The following TCF7L2 variants were observed in gnomAD, a reference collection of about 807,000 sequenced individuals.
The protein encoded by TCF7L2 is transcription factor 7 like 2, also known as transcription factor 7-like 2.
A neutral mutation model predicts 77.9 loss-of-function variants in TCF7L2; 23 were observed. The ratio of observed to expected loss-of-function variants is 0.30; its 90% CI spans 0.21 to 0.42. The LOEUF (loss-of-function observed/expected upper bound fraction) is 0.42, where lower values mean the gene tolerates loss of function less well. Among genes scored for constraint, TCF7L2 ranks in the 10% least tolerant of loss-of-function variants. TCF7L2 has a pLI of 1.00. For synonymous variants in TCF7L2, 413 were observed against 340.2 expected (o/e 1.21, Z -2.36); for missense variants, 654 against 793.1 (o/e 0.82, Z 2.11).
At chr10:113,011,171 A>G (rs1335835104) in intron 4 of TCF7L2, among the ~76,000 whole-genome samples, 1 of 152,162 alleles carries the variant, frequency 6.6e-6, no homozygotes, top group East Asian at 1.9e-4. Flanking sequence ...GACTGGAACA[A>G]AATATGGTAC....
intron 4 of TCF7L2, among the ~76,000 whole-genome samples, chr10:113,035,550 C>T (rs1241598472): frequency 6.6e-6 from 1 of 152,224 alleles, no homozygotes; most frequent in African/African-American, 2.4e-5. Context: ...CTCCTGGGCT[C>T]TAGCAATCCT....
chr10:113,148,235 T>C (rs1271840004), intron 8 of TCF7L2, among the ~76,000 whole-genome samples: 1 of 152,092 alleles, frequency 6.6e-6, no homozygotes, highest in Admixed American at 6.6e-5. Context: ...CCCCTTTAGA[T>C]TGAGATGTTG....
intron 5 of TCF7L2, among the ~76,000 whole-genome samples, chr10:113,068,353 T>G (rs1177675497): frequency 6.6e-6 from 1 of 152,208 alleles, no homozygotes; most frequent in Non-Finnish European, 1.5e-5. Context: ...ACTTTGTTAG[T>G]GACATTTAGC....
chr10:113,001,162 T>C (rs1368848492), intron 4 of TCF7L2, among the ~76,000 whole-genome samples: 1 of 152,098 alleles, frequency 6.6e-6, no homozygotes, highest in Non-Finnish European at 1.5e-5. Flanking sequence ...TGACAGGCGG[T>C]TTGAGAACTC....
chr10:113,153,396 T>C (rs140686861), intron 11 of TCF7L2, among the ~76,000 whole-genome samples: 1 of 152,248 alleles, frequency 6.6e-6, no homozygotes, highest in Non-Finnish European at 1.5e-5. Flanking sequence ...CCAAAACTTG[T>C]CTTAAGGCCG....
At chr10:113,144,656 T>C (rs1267354564) in intron 7 of TCF7L2, among the ~76,000 whole-genome samples, 1 of 152,192 alleles carries the variant, frequency 6.6e-6, no homozygotes, top group African/African-American at 2.4e-5. Context: ...TCTTTGCACG[T>C]TGAATGTTTT....
At chr10:113,073,781 C>T (rs1193351637) in intron 5 of TCF7L2, among the ~76,000 whole-genome samples, 1 of 152,174 alleles carries the variant, frequency 6.6e-6, no homozygotes, top group African/African-American at 2.4e-5. Flanking sequence ...GCTTCCCAAC[C>T]TGCGGGCCTC....
intron 5 of TCF7L2, among the ~76,000 whole-genome samples, chr10:113,123,145 G>T (rs2065053605): frequency 6.6e-6 from 1 of 152,136 alleles, no homozygotes. Context: ...CAAGTTCACT[G>T]GTGTCTTAAT....
chr10:113,061,723 C>T (rs138261830), intron 5 of TCF7L2, among the ~76,000 whole-genome samples: 1 of 152,144 alleles, frequency 6.6e-6, no homozygotes, highest in Non-Finnish European at 1.5e-5. Flanking sequence ...GGTTATTGAT[C>T]CTCCCCTGGA....
Position 113,029,818 on chromosome 10 carries a change from C to T in TCF7L2, c.451-10207C>T, listed in dbSNP as rs141584931. ...TGCTGGGATTACAGGTGTGAGCCAC[C>T]GCGCCAAGCCTCCCCATCCCCTTTT... is the stretch of plus-strand genomic sequence containing the variant. On this transcript the variant is annotated intron_variant, in intron 4 of 13. Coordinates refer to ENST00000627217, the MANE Select transcript of TCF7L2 (RefSeq NM_001146274.2). Among the ~76,000 whole-genome samples, 583 of 152,152 alleles carry T rather than the reference C, an allele frequency of 3.8e-3. 1 individual carries two copies. The highest frequency in any genetic ancestry group is 0.014 in the Middle Eastern group (4 of 294).
intron 3 of TCF7L2, among the ~76,000 whole-genome samples, chr10:112,961,264 C>CCCCCA (rs2035109636): frequency 1.5e-5 from 2 of 131,688 alleles, no homozygotes; most frequent in Non-Finnish European, 3.2e-5. Flanking sequence ...ACCCCCCCCC[C>CCCCCA]CCCAACCTCG....
At chr10:112,952,358 G>C (rs2031947793) in intron 3 of TCF7L2, among the ~76,000 whole-genome samples, 1 of 152,068 alleles carries the variant, frequency 6.6e-6, no homozygotes, top group African/African-American at 2.4e-5. Context: ...TTGGCAACCC[G>C]CAGGGCCGCG....
intron 5 of TCF7L2, among the ~76,000 whole-genome samples, chr10:113,046,534 G>T (rs1164679722): frequency 6.6e-6 from 1 of 152,150 alleles, no homozygotes; most frequent in African/African-American, 2.4e-5. Context: ...TTCTGCTAAT[G>T]CCTCACCTTA....
intron 4 of TCF7L2, among the ~76,000 whole-genome samples, chr10:112,988,476 A>T (rs1375087892): frequency 2.0e-5 from 3 of 152,122 alleles, no homozygotes; most frequent in African/African-American, 7.2e-5. Flanking sequence ...CTTCCACTTG[A>T]CTAAATGAGA....
rs1347417419 is a variant in TCF7L2, at chr10:112,964,793, ATGG to A, written c.450+188_450+190del. 4.2e-4 allele frequency among the ~76,000 whole-genome samples: 26 copies of A among 61,276 alleles called. 2 individuals carry two copies. In the Middle Eastern group the frequency reaches 0.021, roughly 50 times the overall value. 40.2% of individuals were successfully genotyped at this position (61,276 alleles called of 152,430 possible). On this transcript the variant is annotated intron_variant, in intron 4 of 13. Coordinates refer to ENST00000627217, the MANE Select transcript of TCF7L2 (RefSeq NM_001146274.2). ...GGTGGTGGTGATGGTGGTGGTGGTG[ATGG>A]TGGTGGTGGTGGTGGTGGGGGGGGG...
intron 13 of TCF7L2, among the ~76,000 whole-genome samples, chr10:113,165,315 A>G (rs1167910790): frequency 1.3e-5 from 2 of 152,170 alleles, no homozygotes; most frequent in African/African-American, 4.8e-5. Flanking sequence ...GGTTGGGGGA[A>G]GCAAGTAGAG....
At chr10:113,010,313 A>G (rs2046242190) in intron 4 of TCF7L2, among the ~76,000 whole-genome samples, 1 of 152,106 alleles carries the variant, frequency 6.6e-6, no homozygotes, top group African/African-American at 2.4e-5. Context: ...GGTTCCCCCA[A>G]TGTGCTGCAC....
At chr10:113,078,202 T>C (rs894861356) in intron 5 of TCF7L2, among the ~76,000 whole-genome samples, 1 of 152,136 alleles carries the variant, frequency 6.6e-6, no homozygotes, top group African/African-American at 2.4e-5. Flanking sequence ...TATTGCAAGT[T>C]AAGTGTTCCT....
In TCF7L2 at chr10:113,042,428, G is replaced by A. The variant is rs577661181; in HGVS notation, c.552+2302G>A. Among the ~76,000 whole-genome samples, 181 of 152,304 alleles carry A rather than the reference G, an allele frequency of 1.2e-3. 1 individual carries two copies. The highest frequency in any genetic ancestry group is 0.01 in the Middle Eastern group (3 of 294). ...GGCCATTGCCTAGAGGGGATGGGCT[G>A]GTGGAGGAAGGTGGGCTCTGGGAGC... is the stretch of plus-strand genomic sequence containing the variant. On this transcript the variant is annotated intron_variant, in intron 5 of 13. Transcript: ENST00000627217.
Sources: gnomAD v4.1 joint callset for allele counts (sites outside exome capture counted in the v4.1 genomes callset) on GRCh38, gnomAD v4.1.1 for gene constraint, MANE v1.5 for transcripts, NCBI Gene and HGNC (gene_info 2026-07-23, HGNC 2026-07-21) for gene names.